Variants in AKAP13 observed in about 807,000 individuals in gnomAD.
The protein encoded by AKAP13 is A-kinase anchoring protein 13, also known as A-kinase anchor protein 13.
AKAP13 carries 80 observed loss-of-function variants against 264.5 expected under a neutral mutation model. The ratio of observed to expected loss-of-function variants is 0.30; its 90% CI spans 0.25 to 0.36. AKAP13 has a LOEUF of 0.36. AKAP13 is among the 10% of genes least tolerant of loss of function. The pLI, the probability that AKAP13 is intolerant of heterozygous loss-of-function variation, is 1.00. For synonymous variants in AKAP13, 1,380 were observed against 1,250.2 expected (o/e 1.10, Z -2.19); for missense variants, 3,712 against 3,435.2 (o/e 1.08, Z -2.01).
rs117885107 is a variant in AKAP13 at position 85,448,436 on chromosome 15, T to A, written c.-11-37274T>A. Among the ~76,000 whole-genome samples the A allele has an allele frequency of 1.6e-3, 242 of 152,330 alleles. 1 individual carries two copies. The East Asian group carries it at 0.024, about 15-fold the overall frequency. Reference sequence around the variant, plus strand: ...TTTGGTGTCTTTGTCATGAAATCTTTGCCCGTTCCTAAGTCCAGGATGATA... The same window carrying A: ...TTTGGTGTCTTTGTCATGAAATCTTAGCCCGTTCCTAAGTCCAGGATGATA... On this transcript the variant is annotated intron_variant, in intron 1 of 36. Transcript: ENST00000394518.
At chr15:85,419,734 T>G (rs2072424452) in intron 1 of AKAP13, among the ~76,000 whole-genome samples, 1 of 152,164 alleles carries the variant, frequency 6.6e-6, no homozygotes, top group African/African-American at 2.4e-5. Context: ...ATATGCCTTT[T>G]GTCAGTAATC....
intron 34 of AKAP13, among the ~76,000 whole-genome samples, chr15:85,740,742 C>T (rs1258974551): frequency 7.7e-6 from 1 of 129,998 alleles, no homozygotes; most frequent in African/African-American, 3.0e-5. Context: ...ACACACAACC[C>T]ACCCACCCAC....
chr15:85,604,871 G>A (rs1052343717), intron 8 of AKAP13, among the ~76,000 whole-genome samples: 15 of 152,144 alleles, frequency 9.9e-5, no homozygotes, highest in Non-Finnish European at 2.2e-4. Flanking sequence ...GGAAGATTTG[G>A]GAAGTTCTTC....
rs1266407835 is a variant in AKAP13 at position 85,448,836 on chromosome 15, T to C, written c.-11-36874T>C. 2.0e-5 allele frequency among the ~76,000 whole-genome samples: 3 copies of C among 149,088 alleles called. No homozygotes were observed. The East Asian group carries it at 5.8e-4, about 29-fold the overall frequency. ...TTGTTCTTTTTGCTAAGGATTGCCT[T>C]GGCTATTCAGGCTTTTTTTTTTTTT... On this transcript the variant is annotated intron_variant, in intron 1 of 36. Coordinates refer to ENST00000394518, the MANE Select transcript of AKAP13 (RefSeq NM_007200.5).
chr15:85,458,824 T>C (rs1398982334), intron 1 of AKAP13, among the ~76,000 whole-genome samples: 1 of 152,216 alleles, frequency 6.6e-6, no homozygotes, highest in Non-Finnish European at 1.5e-5. Flanking sequence ...CATTAAATTA[T>C]AAGCATCAAT....
Position 85,718,916 on chromosome 15 carries a change from A to G in AKAP13, c.6002-160A>G. ...CCTGTCTTAAAAAAAAAACAAAAAAACAAAAAAACGAGAACACTTTTAGGG... is the reference window on the plus strand; with the variant it reads ...CCTGTCTTAAAAAAAAAACAAAAAAGCAAAAAAACGAGAACACTTTTAGGG... On this transcript the variant is annotated intron_variant, in intron 22 of 36. Transcript: ENST00000394518. This position sits in a 1 kb window ranked among gnomAD's most constrained non-coding sequence, Gnocchi z 4.9. The G allele has an allele frequency of 1.9e-6, 2 of 1,071,916 alleles. No homozygotes were observed. Among genetic ancestry groups the G allele is most frequent in the Non-Finnish European group, 2.6e-6 (2 of 766,554 alleles). 66.4% of individuals were successfully genotyped at this position (1,071,916 alleles called of 1,614,324 possible). A position where few individuals can be genotyped will look rare whatever the true frequency, so the allele number is the denominator to read the frequency against.
rs149220888 is a variant in AKAP13, at chr15:85,695,652, A to G, written c.5464+2201A>G. 7.2e-5 allele frequency among the ~76,000 whole-genome samples: 11 copies of G among 152,210 alleles called. No homozygotes were observed. The East Asian group carries it at 1.4e-3, about 19-fold the overall frequency. ...GCAACACTATTTGTTTTACTGTCCT[A>G]TTTTTTCAAAAGTAACCAAAAACCA... On this transcript the variant is annotated intron_variant, in intron 17 of 36. Transcript: ENST00000394518.
At position 85,745,625 on chromosome 15, in the gene AKAP13, C is replaced by T. The variant is rs1406824361; in HGVS notation, c.*948C>T. The T allele has an allele frequency of 6.6e-6, 1 of 152,262 alleles. No individual in the cohort carries two copies. Among genetic ancestry groups the T allele is most frequent in the Non-Finnish European group, 1.5e-5 (1 of 68,064 alleles). 9.4% of individuals were successfully genotyped at this position (152,262 alleles called of 1,614,324 possible). ...GTGTTCCTGAGCCCCCGTCGTGCCTCTCCCAGACAGCAGCTGTCTGGCCCT... is the reference window on the plus strand; with the variant it reads ...GTGTTCCTGAGCCCCCGTCGTGCCTTTCCCAGACAGCAGCTGTCTGGCCCT... On this transcript the variant is annotated 3_prime_UTR_variant, in exon 37 of 37. Coordinates refer to ENST00000394518, the MANE Select transcript of AKAP13 (RefSeq NM_007200.5).
rs763755074 is a variant in AKAP13 at position 85,741,169 on chromosome 15, G to C, written c.7732G>C (p.Glu2578Gln). ...LIEQEKQRSL[E>Q]KQRQDLANLQ... ...TGAGCAGGAGAAGCAGCGCAGCCTG[G>C]AGAAGCAGCGCCAGGACCTGGCCAA... The change falls in exon 35 of 37, where the codon GAG becomes CAG. Residue 2578 changes from glutamate (E) to glutamine (Q), a missense_variant. Physicochemically the swap from Glu to Gln is conservative, Grantham distance 29. This residue lies in a region of AKAP13 where 611 missense variants were observed against 539.3 expected (regional missense o/e 1.13). Transcript: ENST00000394518. 1 of 1,612,502 alleles carries C rather than the reference G, an allele frequency of 6.2e-7. No individual in the cohort carries two copies. Among genetic ancestry groups the C allele is most frequent in the African/African-American group, 1.3e-5 (1 of 74,904 alleles).
intron 5 of AKAP13, among the ~76,000 whole-genome samples, chr15:85,570,457 A>C (rs1426027546): frequency 2.0e-5 from 3 of 152,344 alleles, no homozygotes; most frequent in Non-Finnish European, 2.9e-5. Flanking sequence ...GTCTCAAAAA[A>C]CAAAAACCAA....
rs566707825 is a variant in AKAP13 at position 85,701,474 on chromosome 15, C to G, written c.5465-6545C>G. ...TGTTTGTTTGAGACGGCGTCTCACT[C>G]TGTCACCTAGGCTGGAGTACAGTGG... is the stretch of plus-strand genomic sequence containing the variant. On this transcript the variant is annotated intron_variant, in intron 17 of 36. Coordinates refer to ENST00000394518, the MANE Select transcript of AKAP13 (RefSeq NM_007200.5). Among the ~76,000 whole-genome samples the G allele has an allele frequency of 2.0e-5, 3 of 152,290 alleles. No individual in the cohort carries two copies. In the East Asian group the frequency reaches 5.8e-4, roughly 29 times the overall value.
intron 10 of AKAP13, among the ~76,000 whole-genome samples, chr15:85,652,507 T>G (rs1414496277): frequency 2.0e-5 from 3 of 152,246 alleles, no homozygotes; most frequent in Non-Finnish European, 4.4e-5. Context: ...GTTATACATT[T>G]TGCTTTATTG....
At chr15:85,456,176 CTT>C (rs1446348597) in intron 1 of AKAP13, among the ~76,000 whole-genome samples, 1 of 152,170 alleles carries the variant, frequency 6.6e-6, no homozygotes, top group Non-Finnish European at 1.5e-5. Flanking sequence ...GAATCATACC[CTT>C]TCTGGCTTTC....
intron 1 of AKAP13, among the ~76,000 whole-genome samples, chr15:85,392,713 G>GT (rs1212835977): frequency 6.6e-6 from 1 of 152,102 alleles, no homozygotes; most frequent in African/African-American, 2.4e-5. Flanking sequence ...GCTCTGGGTG[G>GT]TTTTGAAATG....
intron 1 of AKAP13, among the ~76,000 whole-genome samples, chr15:85,443,095 T>C (rs924700736): frequency 3.3e-5 from 5 of 152,176 alleles, no homozygotes; most frequent in Non-Finnish European, 5.9e-5. Context: ...TGTTAACCTG[T>C]GTCTTATTTC....
intron 1 of AKAP13, among the ~76,000 whole-genome samples, chr15:85,441,087 G>T (rs1248442559): frequency 6.6e-6 from 1 of 152,150 alleles, no homozygotes; most frequent in Non-Finnish European, 1.5e-5. Flanking sequence ...AGATACCTAG[G>T]AGTGGAATTG....
intron 14 of AKAP13, among the ~76,000 whole-genome samples, chr15:85,675,981 G>T (rs1488198110): frequency 1.3e-5 from 2 of 151,742 alleles, no homozygotes; most frequent in African/African-American, 4.8e-5. Flanking sequence ...GCGCTATCTC[G>T]GCTCACTGCA....
intron 8 of AKAP13, among the ~76,000 whole-genome samples, chr15:85,604,664 A>G (rs1325419928): frequency 6.6e-6 from 1 of 152,044 alleles, no homozygotes. Flanking sequence ...AGGTTTCACC[A>G]TGTTGGTCAG....
chr15:85,651,251 A>T (rs2082827816), intron 10 of AKAP13, among the ~76,000 whole-genome samples: 1 of 152,168 alleles, frequency 6.6e-6, no homozygotes, highest in Non-Finnish European at 1.5e-5. Context: ...AAATTTGGAG[A>T]ATTGTACAGT....
Sources: gnomAD v4.1 joint callset for allele counts (sites outside exome capture counted in the v4.1 genomes callset) on GRCh38, gnomAD v4.1.1 for gene constraint, gnomAD v4.1.1 regional missense constraint, Gnocchi (gnomAD v3.1) non-coding constraint, MANE v1.5 for transcripts, NCBI Gene and HGNC (gene_info 2026-07-23, HGNC 2026-07-21) for gene names.